The following SHISA9 variants were observed in gnomAD, a reference collection of about 807,000 sequenced individuals.
SHISA9 encodes the protein protein shisa-9.
A neutral mutation model predicts 38.0 loss-of-function variants in SHISA9; 13 were observed. The observed-to-expected ratio is 0.34, with a 90% CI of 0.22 to 0.54. The LOEUF (loss-of-function observed/expected upper bound fraction) is 0.54. SHISA9 is among the 20% of genes least tolerant of loss of function. SHISA9 has a pLI of 0.91. For missense variants in SHISA9, 538 were observed against 575.8 expected (o/e 0.93, Z 0.67); for synonymous variants, 275 against 242.0 (o/e 1.14, Z -1.27).
chr16:13,397,131 T>C, the SHISA9 span, among the ~76,000 whole-genome samples: 1 of 152,386 alleles, frequency 6.6e-6, no homozygotes, highest in Admixed American at 6.5e-5. Context: ...TTAAATTAAC[T>C]GTAAGAATAC....
chr16:13,412,183 G>A, the SHISA9 span, among the ~76,000 whole-genome samples: 2 of 152,160 alleles, frequency 1.3e-5, no homozygotes, highest in Non-Finnish European at 2.9e-5. Flanking sequence ...ACTGCAAAGT[G>A]TCTCATTCTC....
the SHISA9 span, chr16:13,474,354 T>G: frequency 6.6e-6 from 1 of 152,234 alleles, no homozygotes; most frequent in African/African-American, 2.4e-5. Context: ...GGGAACTTTT[T>G]ATTTAATGCA....
At chr16:13,233,010 T>C (rs1460796068) in intron 4 of SHISA9, among the ~76,000 whole-genome samples, 1 of 152,062 alleles carries the variant, frequency 6.6e-6, no homozygotes, top group Non-Finnish European at 1.5e-5. Flanking sequence ...CAAAAAAACT[T>C]TTTTTTTGCA....
chr16:13,152,961 G>A (rs2050512589), intron 2 of SHISA9, among the ~76,000 whole-genome samples: 1 of 152,198 alleles, frequency 6.6e-6, no homozygotes, highest in South Asian at 2.1e-4. Flanking sequence ...TTCTTTAAAT[G>A]TAGGCGAGGT....
chr16:13,484,325 A>G, the SHISA9 span, among the ~76,000 whole-genome samples: 65 of 152,300 alleles, frequency 4.3e-4, no homozygotes, highest in Middle Eastern at 3.4e-3. Flanking sequence ...CACCCCTTGT[A>G]CAATTGTAAC....
intron 2 of SHISA9, among the ~76,000 whole-genome samples, chr16:12,970,427 G>GTA (rs1491361765): frequency 0.011 from 340 of 31,194 alleles, 21 homozygotes; most frequent in Non-Finnish European, 0.015. Flanking sequence ...ACACATATAT[G>GTA]TATATATATA....
intron 2 of SHISA9, among the ~76,000 whole-genome samples, chr16:12,970,097 A>G (rs2072035284): frequency 6.6e-6 from 1 of 151,044 alleles, no homozygotes; most frequent in Non-Finnish European, 1.5e-5. Flanking sequence ...GTTATCCTTT[A>G]TTTCCCTTTA....
the SHISA9 span, among the ~76,000 whole-genome samples, chr16:13,375,229 G>C: frequency 1.3e-5 from 2 of 152,170 alleles, no homozygotes; most frequent in Non-Finnish European, 2.9e-5. Flanking sequence ...TGGTGTTTCA[G>C]TCATGAAGTC....
At position 13,187,335 on chromosome 16, in the gene SHISA9, T is replaced by TTCTTTTTTC. The variant is rs1567239833; in HGVS notation, c.692-16058_692-16057insCTTTTTTCT. On this transcript the variant is annotated intron_variant, in intron 2 of 4. Coordinates refer to ENST00000558583, the MANE Select transcript of SHISA9 (RefSeq NM_001145204.3). ...CTTCTTTTCTTTTCTTTTCTTTTTT[T>TTCTTTTTTC]TTTTTTTTTTTTTTTTTGAGGCAGA... 4.5e-3 allele frequency among the ~76,000 whole-genome samples: 482 copies of TTCTTTTTTC among 105,946 alleles called. 3 individuals carry two copies. Among genetic ancestry groups the TTCTTTTTTC allele is most frequent in the African/African-American group, 9.1e-3 (246 of 27,164 alleles). The allele number at this position is 105,946 out of a possible 152,430, so 69.5% of individuals were successfully genotyped here.
the SHISA9 span, among the ~76,000 whole-genome samples, chr16:13,354,563 G>C: frequency 9.3e-3 from 1,393 of 150,034 alleles, 25 homozygotes; most frequent in African/African-American, 0.033. Context: ...AACGAAAATA[G>C]ATTTTGGAAG....
In SHISA9 at chr16:12,990,516, A is replaced by G. The variant is rs189589514; in HGVS notation, c.691+73701A>G. 1.1e-4 allele frequency among the ~76,000 whole-genome samples: 16 copies of G among 152,322 alleles called. No homozygotes were observed. The South Asian group carries it at 2.7e-3, about 26-fold the overall frequency. ...TCTCACTGTGGTTTTGATTCACATC[A>G]TGAATTATTTAACCATTTTATTATA... is the stretch of plus-strand genomic sequence containing the variant. On this transcript the variant is annotated intron_variant, in intron 2 of 4. Coordinates refer to ENST00000558583, the MANE Select transcript of SHISA9 (RefSeq NM_001145204.3).
chr16:13,319,024 G>A, the SHISA9 span, among the ~76,000 whole-genome samples: 1 of 152,154 alleles, frequency 6.6e-6, no homozygotes, highest in Non-Finnish European at 1.5e-5. Flanking sequence ...TATTTTATTT[G>A]AGAGAGTCTC....
chr16:13,213,194 A>G, intron 3 of SHISA9, 59 bp from the exon 4 acceptor site: 2 of 1,479,364 alleles, frequency 1.4e-6, no homozygotes, highest in Non-Finnish European at 1.8e-6. Flanking sequence ...GTGAGGGCAT[A>G]GTGAACATGG....
intron 2 of SHISA9, among the ~76,000 whole-genome samples, chr16:13,111,506 G>A (rs2073977957): frequency 6.6e-6 from 1 of 152,122 alleles, no homozygotes; most frequent in Non-Finnish European, 1.5e-5. Context: ...AAGTCAGACT[G>A]AAAACACCTC....
At chr16:13,544,733 A>G in the SHISA9 span, among the ~76,000 whole-genome samples, 1 of 152,122 alleles carries the variant, frequency 6.6e-6, no homozygotes, top group Non-Finnish European at 1.5e-5. Flanking sequence ...ACTTGAGGTC[A>G]GGAGCTCGAG....
At chr16:12,984,904 C>T (rs1320694954) in intron 2 of SHISA9, among the ~76,000 whole-genome samples, 3 of 152,126 alleles carry the variant, frequency 2.0e-5, no homozygotes, top group Admixed American at 2.0e-4. Context: ...CTCTTGCCTC[C>T]AGTTGGAACA....
intron 2 of SHISA9, among the ~76,000 whole-genome samples, chr16:12,946,370 C>T: frequency 6.6e-6 from 1 of 152,084 alleles, no homozygotes; most frequent in Non-Finnish European, 1.5e-5. Context: ...CATAAGGGAA[C>T]CAAGTAAAAA....
chr16:13,556,521 G>C, the SHISA9 span, among the ~76,000 whole-genome samples: 17 of 152,018 alleles, frequency 1.1e-4, no homozygotes, highest in Non-Finnish European at 7.4e-5. Context: ...AAATTAGCCG[G>C]GCAAGGTGGC....
chr16:13,026,011 G>T (rs1161220327), intron 2 of SHISA9, among the ~76,000 whole-genome samples: 1 of 152,060 alleles, frequency 6.6e-6, no homozygotes, highest in Admixed American at 6.5e-5. Flanking sequence ...CTCCATGTTG[G>T]TCAGGCTGGT....
Sources: allele counts gnomAD v4.1 joint callset (sites outside exome capture counted in the v4.1 genomes callset), GRCh38; gene constraint gnomAD v4.1.1; transcripts MANE v1.5; gene names NCBI Gene and HGNC (gene_info 2026-07-23, HGNC 2026-07-21).